Variants in ERCC6 observed in about 807,000 individuals in gnomAD.
ERCC6 encodes the protein ERCC excision repair 6, chromatin remodeling factor.
In ERCC6, 116 loss-of-function variants were observed where a neutral mutation model predicts 158.7. The observed-to-expected ratio is 0.73, with a 90% confidence interval of 0.63 to 0.85. The LOEUF (loss-of-function observed/expected upper bound fraction) is 0.85. Ranked by LOEUF, ERCC6 falls within the 40% of genes least tolerant of loss-of-function variation. The pLI is 0.00. For missense variants in ERCC6, 1,698 were observed against 1,799.4 expected, an observed-to-expected ratio of 0.94 and a Z score of 1.02; for synonymous variants, 678 against 659.3, an observed-to-expected ratio of 1.03 and a Z score of -0.43.
At chr10:49,525,893 T>C (rs531107283) in intron 4 of ERCC6, among the ~76,000 whole-genome samples, 1 of 151,728 alleles carries the variant, frequency 6.6e-6, no homozygotes, top group Admixed American at 6.6e-5. Flanking sequence ...GAACGCTACG[T>C]AAGTGGAAAT....
At chr10:49,482,633 T>C (rs1467182738) in intron 10 of ERCC6, 54 bp downstream of exon 10, 5 of 1,507,322 alleles carry the variant, frequency 3.3e-6, no homozygotes, top group East Asian at 2.3e-5. Context: ...TAGTATTTAA[T>C]AGGAGCACTT....
the ERCC6 span, among the ~76,000 whole-genome samples, chr10:49,445,283 A>G: frequency 2.0e-5 from 3 of 152,262 alleles, no homozygotes; most frequent in African/African-American, 7.2e-5. Context: ...AAAAAGACAC[A>G]GATGACCACT....
intron 16 of ERCC6, among the ~76,000 whole-genome samples, chr10:49,471,482 C>A (rs1417782371): frequency 6.6e-6 from 1 of 152,100 alleles, no homozygotes; most frequent in African/African-American, 2.4e-5. Context: ...TAGAACCTTC[C>A]TATCATAGGG....
Position 49,524,094 on chromosome 10 carries a change from C to T in ERCC6, c.1336G>A (p.Gly446Ser). The T allele has an allele frequency of 6.2e-7, 1 of 1,611,596 alleles. No individual in the cohort carries two copies. Among genetic ancestry groups the T allele is most frequent in the African/African-American group, 1.3e-5 (1 of 74,930 alleles). ...AASVGEGGGG[G>S]RKVGRYRDDG... ...TCTCGGTATCTTCCCACTTTCCGAC[C>T]TCCTCCTCCTCCTTCTCCTACAGAA... Residue 446 changes from glycine (G) to serine (S), a missense_variant, in exon 5 of 21, where the codon GGT (glycine) becomes AGT (serine). Physicochemically the swap from Gly to Ser is moderately conservative, Grantham distance 56. Transcript: ENST00000355832.
At chr10:49,447,571 G>C in the ERCC6 span, among the ~76,000 whole-genome samples, 5 of 152,098 alleles carry the variant, frequency 3.3e-5, no homozygotes, top group East Asian at 9.7e-4. Flanking sequence ...GGCACCTGTA[G>C]TCCCAGCTAC....
chr10:49,444,030 G>A, the ERCC6 span, among the ~76,000 whole-genome samples: 1 of 152,210 alleles, frequency 6.6e-6, no homozygotes. Flanking sequence ...ACTCAGATGG[G>A]GCAGGTGGCG....
chr10:49,498,205 G>A (rs975880028), intron 7 of ERCC6, among the ~76,000 whole-genome samples: 31 of 152,124 alleles, frequency 2.0e-4, no homozygotes, highest in African/African-American at 7.0e-4. Context: ...CTTTTACCAT[G>A]AAGTTTCTTG....
chr10:49,501,816 C>G (rs1260921230), intron 6 of ERCC6: 8 of 151,736 alleles, frequency 5.3e-5, no homozygotes, highest in African/African-American at 1.7e-4. Flanking sequence ...AAAATTTAGC[C>G]AGGAGTGGTG....
chr10:49,527,072 G>C (rs1837357703), intron 4 of ERCC6, among the ~76,000 whole-genome samples: 1 of 152,192 alleles, frequency 6.6e-6, no homozygotes, highest in African/African-American at 2.4e-5. Flanking sequence ...ATCCCACAAG[G>C]AACAGAAGTG....
intron 1 of ERCC6, 41 bp from the exon 2 acceptor site, chr10:49,533,019 A>T: frequency 6.3e-7 from 1 of 1,598,684 alleles, no homozygotes; most frequent in Non-Finnish European, 8.5e-7. Context: ...GTTATATAGG[A>T]TTCATTGTAG....
At position 49,532,680 on chromosome 10, in the gene ERCC6, C is replaced by T. The variant is rs1322866217; in HGVS notation, c.285G>A (p.Leu95=). The T allele has an allele frequency of 6.2e-7, 1 of 1,614,218 alleles. No homozygotes were observed. The highest frequency in any genetic ancestry group is 1.3e-5 in the African/African-American group (1 of 75,054). Residue 95 remains leucine (L), a synonymous_variant, in exon 2 of 21, where the codon TTG becomes TTA. Transcript: ENST00000355832. ...CGTCCTGGTCATAGACGTCCACACC[C>T]AAACCCTGCAGCTCAAGGGCCTGGG... ...PSAQALELQG[L]GVDVYDQDVL... is the part of the protein sequence containing the mutation.
At chr10:49,464,102 T>C (rs1369669664) in intron 18 of ERCC6, among the ~76,000 whole-genome samples, 1 of 152,220 alleles carries the variant, frequency 6.6e-6, no homozygotes, top group African/African-American at 2.4e-5. Context: ...TGCAACTTCC[T>C]AGAGACTTCT....
chr10:49,487,557 G>GA (rs1300321226), intron 8 of ERCC6, among the ~76,000 whole-genome samples: 4 of 151,542 alleles, frequency 2.6e-5, no homozygotes, highest in African/African-American at 9.8e-5. Context: ...TCTGCCCAGA[G>GA]AAAAACCATC....
intron 20 of ERCC6, among the ~76,000 whole-genome samples, chr10:49,459,567 A>G (rs1014693006): frequency 5.9e-5 from 9 of 152,222 alleles, no homozygotes; most frequent in African/African-American, 1.9e-4. Context: ...TAGGAGGCCC[A>G]GGACCACTTT....
Position 49,532,699 on chromosome 10 carries a change from G to A in ERCC6, c.266C>T (p.Ala89Val), listed in dbSNP as rs200893601. The A allele has an allele frequency of 1.2e-6, 2 of 1,614,198 alleles. No homozygotes were observed. Among genetic ancestry groups the A allele is most frequent in the East Asian group, 2.2e-5 (1 of 44,880 alleles). ...CACACCCAAACCCTGCAGCTCAAGG[G>A]CCTGGGCGCTAGGCTCTACTGCCTG... ...QIQAVEPSAQALELQGLGVDV... is the reference protein window; with the variant it reads ...QIQAVEPSAQVLELQGLGVDV... Residue 89 changes from alanine to valine, a missense_variant, in exon 2 of 21, where the codon GCC (alanine) becomes GTC (valine). Coordinates refer to ENST00000355832, the MANE Select transcript of ERCC6 (RefSeq NM_000124.4).
chr10:49,462,444 T>C (rs1167679866), intron 18 of ERCC6, among the ~76,000 whole-genome samples: 1 of 152,088 alleles, frequency 6.6e-6, no homozygotes, highest in Non-Finnish European at 1.5e-5. Context: ...ATGATCTATA[T>C]GTAGAAAAGG....
chr10:49,476,824 T>C (rs955195219), intron 11 of ERCC6, among the ~76,000 whole-genome samples: 5 of 152,032 alleles, frequency 3.3e-5, no homozygotes, highest in African/African-American at 1.2e-4. Flanking sequence ...CCTTCACCTC[T>C]CAACCCTCCC....
downstream of ERCC6, among the ~76,000 whole-genome samples, chr10:49,450,118 C>G (rs1850404745): frequency 6.6e-6 from 1 of 152,190 alleles, no homozygotes; most frequent in Non-Finnish European, 1.5e-5. Flanking sequence ...CAATCTGCCC[C>G]TTTGCCTCCC....
intron 9 of ERCC6, 68 bp downstream of exon 9, chr10:49,483,278 C>T: frequency 6.8e-7 from 1 of 1,475,888 alleles, no homozygotes; most frequent in Non-Finnish European, 9.5e-7. Flanking sequence ...TTACTAAAAG[C>T]AGATAGTTTA....
Sources: gnomAD v4.1 joint callset for allele counts (sites outside exome capture counted in the v4.1 genomes callset) on GRCh38, gnomAD v4.1.1 for gene constraint, MANE v1.5 for transcripts, NCBI Gene and HGNC (gene_info 2026-07-23, HGNC 2026-07-21) for gene names.